Variants in OSBP2 observed in about 807,000 individuals in gnomAD.
OSBP2 encodes oxysterol-binding protein 2.
Under a neutral mutation model 96.0 loss-of-function variants are expected in OSBP2, and 66 were observed. The observed-to-expected ratio is 0.69, with a 90% CI of 0.56 to 0.84. The LOEUF is 0.84. OSBP2 is among the 40% of genes least tolerant of loss of function. The pLI, the probability that OSBP2 is intolerant of heterozygous loss-of-function variation, is 0.00. For missense variants in OSBP2, 1,038 were observed against 1,222.7 expected, an observed-to-expected ratio of 0.85 and a Z score of 2.25; for synonymous variants, 525 against 520.9, an observed-to-expected ratio of 1.01 and a Z score of -0.11.
intron 12 of OSBP2, among the ~76,000 whole-genome samples, chr22:30,900,753 A>C (rs1602444586): frequency 6.6e-6 from 1 of 152,230 alleles, no homozygotes; most frequent in Non-Finnish European, 1.5e-5. Flanking sequence ...CGTTATAAAG[A>C]AAATCAAATA....
At chr22:30,725,517 C>T (rs1385127913) in intron 1 of OSBP2, among the ~76,000 whole-genome samples, 1 of 148,842 alleles carries the variant, frequency 6.7e-6, no homozygotes, top group Non-Finnish European at 1.5e-5. Context: ...CAGCCCCCTC[C>T]ACCAAAAAAC....
chr22:30,725,937 G>A (rs190694837), intron 1 of OSBP2, among the ~76,000 whole-genome samples: 37 of 152,036 alleles, frequency 2.4e-4, no homozygotes, highest in African/African-American at 7.5e-4. Flanking sequence ...GCACCACCAC[G>A]CCTGGCTGAT....
intron 12 of OSBP2, among the ~76,000 whole-genome samples, chr22:30,899,215 C>CA (rs1033568795): frequency 7.1e-4 from 106 of 149,048 alleles, no homozygotes; most frequent in African/African-American, 2.3e-3. Context: ...CCTGTCTCTA[C>CA]AAAAAAAAAA....
At chr22:30,705,162 C>T (rs112989217) in intron 1 of OSBP2, among the ~76,000 whole-genome samples, 2 of 152,166 alleles carry the variant, frequency 1.3e-5, no homozygotes, top group African/African-American at 4.8e-5. Context: ...CTGTGATTGG[C>T]GGTTGATTGC....
At chr22:30,878,269 C>T (rs2039626995) in intron 3 of OSBP2, among the ~76,000 whole-genome samples, 1 of 152,240 alleles carries the variant, frequency 6.6e-6, no homozygotes, top group South Asian at 2.1e-4. Flanking sequence ...TTAGCAAGAC[C>T]CCTCTGCTGT....
chr22:30,893,451 C>T lies in OSBP2; in HGVS notation c.1991-12C>T. 1 of 1,609,740 alleles carries T rather than the reference C, an allele frequency of 6.2e-7. No individual in the cohort carries two copies. The highest frequency in any genetic ancestry group is 1.1e-5 in the South Asian group (1 of 90,990). ...GGGGGGGCATGACCTCTGACCTGTC[C>T]CCTGCCTCCAGGTGCCATCCACTTA... On this transcript the variant is annotated splice_polypyrimidine_tract_variant and intron_variant, in intron 9 of 13. Coordinates refer to ENST00000332585, the MANE Select transcript of OSBP2 (RefSeq NM_030758.4).
chr22:30,732,638 G>A (rs573899617), intron 1 of OSBP2, among the ~76,000 whole-genome samples: 53 of 152,240 alleles, frequency 3.5e-4, no homozygotes, highest in Non-Finnish European at 5.3e-4. Flanking sequence ...GTGTGAGGAT[G>A]GGAAGCACAC....
intron 2 of OSBP2, among the ~76,000 whole-genome samples, chr22:30,790,010 G>C (rs1859830683): frequency 6.6e-6 from 1 of 152,180 alleles, no homozygotes; most frequent in African/African-American, 2.4e-5. Context: ...GCTATCATCT[G>C]AAAGAAGCAA....
rs528771074 is a variant in OSBP2 at position 30,870,132 on chromosome 22, T to TG, written c.854-294dup. 2.0e-3 allele frequency among the ~76,000 whole-genome samples: 310 copies of TG among 152,272 alleles called. No individual in the cohort carries two copies. The highest frequency in any genetic ancestry group is 3.5e-3 in the Non-Finnish European group (235 of 68,004). On this transcript the variant is annotated intron_variant, in intron 2 of 13. Transcript: ENST00000332585. The surrounding 1 kb of genome is among the most constrained non-coding windows in gnomAD (Gnocchi z 4.1). ...AGGGAGCTGGCGCCCTGCATGCAGGTGGGTGCCTGTAGGCCTGCCGCCTCC... is the reference window on the plus strand; with the variant it reads ...AGGGAGCTGGCGCCCTGCATGCAGGTGGGGTGCCTGTAGGCCTGCCGCCTCC...
intron 2 of OSBP2, among the ~76,000 whole-genome samples, chr22:30,787,245 TAC>T (rs1299241509): frequency 6.6e-6 from 1 of 152,136 alleles, no homozygotes; most frequent in Non-Finnish European, 1.5e-5. Flanking sequence ...ACAGGAAACT[TAC>T]AGTCATGGCG....
intron 4 of OSBP2, 111 bp downstream of exon 4, chr22:30,887,729 TG>T: frequency 1.1e-6 from 1 of 922,844 alleles, no homozygotes; most frequent in Non-Finnish European, 1.6e-6. Flanking sequence ...ACATGTGGGC[TG>T]GCCTTGGCCA....
At chr22:30,858,340 G>C (rs2039128610) in intron 2 of OSBP2, among the ~76,000 whole-genome samples, 1 of 150,342 alleles carries the variant, frequency 6.7e-6, no homozygotes, top group South Asian at 2.1e-4. Flanking sequence ...TAGAGACGGG[G>C]TTTCACCTTG....
At chr22:30,773,711 A>C (rs908411886) in intron 2 of OSBP2, among the ~76,000 whole-genome samples, 1 of 152,048 alleles carries the variant, frequency 6.6e-6, no homozygotes, top group Non-Finnish European at 1.5e-5. Flanking sequence ...TTTGGTCCAC[A>C]GGCTCTGGGT....
chr22:30,759,364 G>C (rs898901758), intron 2 of OSBP2, among the ~76,000 whole-genome samples: 2 of 152,050 alleles, frequency 1.3e-5, no homozygotes, highest in South Asian at 2.1e-4. Context: ...TACTGCAAAG[G>C]CTTTGAAAAT....
intron 2 of OSBP2, among the ~76,000 whole-genome samples, chr22:30,839,043 C>T (rs965875818): frequency 5.2e-5 from 7 of 133,436 alleles, no homozygotes; most frequent in African/African-American, 5.6e-5. Context: ...GGTCCCCTTC[C>T]GGTGTCCATG....
chr22:30,868,509 C>T (rs769524394), intron 2 of OSBP2, among the ~76,000 whole-genome samples: 50 of 152,378 alleles, frequency 3.3e-4, no homozygotes, highest in Non-Finnish European at 5.7e-4. Context: ...GTCCCATCCC[C>T]AGGCAATAGA....
intron 1 of OSBP2, among the ~76,000 whole-genome samples, chr22:30,715,281 G>A (rs2089430051): frequency 6.6e-6 from 1 of 151,570 alleles, no homozygotes; most frequent in Non-Finnish European, 1.5e-5. Flanking sequence ...GTTTTTGATA[G>A]TAGCCATCCT....
Position 30,830,989 on chromosome 22 carries a change from C to G in OSBP2, c.854-39440C>G, listed in dbSNP as rs567344930. Among the ~76,000 whole-genome samples the G allele has an allele frequency of 6.6e-5, 10 of 152,296 alleles. No homozygotes were observed. The South Asian group carries it at 2.1e-3, about 32-fold the overall frequency. On this transcript the variant is annotated intron_variant, in intron 2 of 13. Coordinates refer to ENST00000332585, the MANE Select transcript of OSBP2 (RefSeq NM_030758.4). ...GTTGGAAGGCTGTGGAATGCCTTTT[C>G]CTTCTGTTAGACATTTAGGTTCTTC...
At chr22:30,718,413 A>G (rs1381727887) in intron 1 of OSBP2, among the ~76,000 whole-genome samples, 1 of 152,186 alleles carries the variant, frequency 6.6e-6, no homozygotes, top group Non-Finnish European at 1.5e-5. Flanking sequence ...GGTTCTTTCT[A>G]TCCTTACCTT....
Sources: gnomAD v4.1 joint callset for allele counts (sites outside exome capture counted in the v4.1 genomes callset) on GRCh38, gnomAD v4.1.1 for gene constraint, Gnocchi (gnomAD v3.1) non-coding constraint, MANE v1.5 for transcripts, NCBI Gene and HGNC (gene_info 2026-07-23, HGNC 2026-07-21) for gene names.